Variants in CHD6 observed in about 807,000 individuals in gnomAD.
CHD6 encodes chromodomain helicase DNA binding protein 6, also known as ATP-dependent chromatin remodeler CHD6.
In CHD6, 50 loss-of-function variants were observed where a neutral mutation model predicts 276.9. The ratio of observed to expected loss-of-function variants is 0.18; its 90% CI spans 0.14 to 0.23. CHD6 has a LOEUF of 0.23. CHD6 is among the 10% of genes least tolerant of loss of function. The pLI is 1.00. For missense variants in CHD6, 2,564 were observed against 3,365.8 expected, an observed-to-expected ratio of 0.76 and a Z score of 5.89; for synonymous variants, 1,173 against 1,229.3, an observed-to-expected ratio of 0.95 and a Z score of 0.96.
chr20:41,513,040 A>G, intron 4 of CHD6, 45 bp from the exon 5 acceptor site: 1 of 1,606,952 alleles, frequency 6.2e-7, no homozygotes, highest in Non-Finnish European at 8.5e-7. Context: ...TGAGTGAAAG[A>G]CAACAGCCTA....
intron 26 of CHD6, among the ~76,000 whole-genome samples, chr20:41,439,358 G>GAA (rs370407287): frequency 4.3e-5 from 6 of 139,408 alleles, no homozygotes; most frequent in African/African-American, 1.6e-4. Flanking sequence ...TCTATCTCGG[G>GAA]AAAAAAAAAA....
intron 30 of CHD6, 68 bp from the exon 31 acceptor site, chr20:41,422,147 C>T: frequency 6.7e-7 from 1 of 1,496,794 alleles, no homozygotes; most frequent in Middle Eastern, 1.9e-4. Flanking sequence ...CACCTGAGCC[C>T]CTGCATCTTT....
At chr20:41,474,506 G>C (rs2043128583) in intron 16 of CHD6, among the ~76,000 whole-genome samples, 1 of 152,054 alleles carries the variant, frequency 6.6e-6, no homozygotes, top group South Asian at 2.1e-4. Context: ...GCCCAATTTT[G>C]ACCCACAAAC....
chr20:41,517,818 G>A (rs1205322121), intron 3 of CHD6, among the ~76,000 whole-genome samples: 1 of 152,202 alleles, frequency 6.6e-6, no homozygotes, highest in African/African-American at 2.4e-5. Context: ...GTCAGCAGCA[G>A]GGCAGAGGCT....
At chr20:41,447,783 C>A in intron 24 of CHD6, 99 bp downstream of exon 24, 1 of 757,002 alleles carries the variant, frequency 1.3e-6, no homozygotes, top group Non-Finnish European at 2.2e-6. Context: ...GTAGGAGGAA[C>A]ATGGGCCTCT....
intron 5 of CHD6, among the ~76,000 whole-genome samples, chr20:41,511,310 C>G (rs1339124659): frequency 6.6e-6 from 1 of 152,236 alleles, no homozygotes; most frequent in African/African-American, 2.4e-5. Context: ...TAACAACAGA[C>G]AGCCGTGTCC....
intron 1 of CHD6, among the ~76,000 whole-genome samples, chr20:41,593,090 A>C (rs888404436): frequency 3.9e-5 from 6 of 152,004 alleles, no homozygotes; most frequent in Non-Finnish European, 8.8e-5. Context: ...CTTCTACAGA[A>C]AACAATTTCT....
At chr20:41,419,642 C>T (rs1213408643) in intron 31 of CHD6, among the ~76,000 whole-genome samples, 3 of 126,370 alleles carry the variant, frequency 2.4e-5, no homozygotes, top group Non-Finnish European at 4.8e-5. Flanking sequence ...CCCTCTTTAA[C>T]ATAAAATCAG....
chr20:41,452,956 G>T lies in CHD6; in HGVS notation c.3121-14C>A. 1.2e-6 allele frequency: 2 copies of T among 1,605,438 alleles called. No individual in the cohort carries two copies. Among genetic ancestry groups the T allele is most frequent in the Non-Finnish European group, 1.7e-6 (2 of 1,172,452 alleles). On this transcript the variant is annotated splice_polypyrimidine_tract_variant and intron_variant, in intron 20 of 36. Coordinates refer to ENST00000373233, the MANE Select transcript of CHD6 (RefSeq NM_032221.5). This position sits in a 1 kb window ranked among gnomAD's most constrained non-coding sequence, Gnocchi z 4.2. Reference sequence around the variant, plus strand: ...CACTAAGCTTTCCTAGAAATGGAGAGGACTACTGGGAAGAAAGTCCTCTTT... The same window carrying T: ...CACTAAGCTTTCCTAGAAATGGAGATGACTACTGGGAAGAAAGTCCTCTTT...
chr20:41,452,120 T>C lies in CHD6; in HGVS notation c.3324-95A>G. ...GAGGAGAAACAAGAGCCATACATGCTTTTTGTTCTCTGTAGGTCTGTTAAT... is the reference window on the plus strand; with the variant it reads ...GAGGAGAAACAAGAGCCATACATGCCTTTTGTTCTCTGTAGGTCTGTTAAT... On this transcript the variant is annotated intron_variant, in intron 21 of 36. Transcript: ENST00000373233. This position sits in a 1 kb window ranked among gnomAD's most constrained non-coding sequence, Gnocchi z 4.2. The C allele has an allele frequency of 1.0e-6, 1 of 963,282 alleles. No individual in the cohort carries two copies. Among genetic ancestry groups the C allele is most frequent in the Non-Finnish European group, 1.6e-6 (1 of 614,202 alleles). The allele number at this position is 963,282 out of a possible 1,614,324, so 59.7% of individuals were successfully genotyped here.
intron 3 of CHD6, among the ~76,000 whole-genome samples, chr20:41,526,970 A>T (rs2146036879): frequency 6.6e-6 from 1 of 152,332 alleles, no homozygotes; most frequent in Middle Eastern, 3.4e-3. Flanking sequence ...GGCACAGCAA[A>T]GTCTGAGGAC....
chr20:41,467,561 GAAAAAAAAAA>G (rs11472253), intron 17 of CHD6, among the ~76,000 whole-genome samples: 2 of 39,144 alleles, frequency 5.1e-5, no homozygotes, highest in Non-Finnish European at 9.4e-5. Context: ...TTCTGACAAT[GAAAAAAAAAA>G]AAAAAAAAAA....
rs113203477 is a variant in CHD6 at position 41,453,491 on chromosome 20, C to T, written c.3121-549G>A. ...GGAGCCTCGGTCATTCTGATGGTTCCCCTGGCTATGTGTCTTCTCTAGTCT... is the reference window on the plus strand; with the variant it reads ...GGAGCCTCGGTCATTCTGATGGTTCTCCTGGCTATGTGTCTTCTCTAGTCT... On this transcript the variant is annotated intron_variant, in intron 20 of 36. Transcript: ENST00000373233. 9.2e-5 allele frequency among the ~76,000 whole-genome samples: 14 copies of T among 152,282 alleles called. 3 individuals are homozygous for T. The highest frequency in any genetic ancestry group is 3.4e-4 in the African/African-American group (14 of 41,572).
Position 41,484,661 on chromosome 20 carries a change from C to T in CHD6, c.2002-54G>A, listed in dbSNP as rs538500490. 1.3e-4 allele frequency: 200 copies of T among 1,579,458 alleles called. 5 individuals carry two copies. In the South Asian group the frequency reaches 2.1e-3, roughly 17 times the overall value. The stretch of plus-strand genomic sequence containing the variant: ...TGCCTCAATCCCAAGTTAACGATTA[C>T]TGGGGTATTCCAACCTTCACTCTAA... On this transcript the variant is annotated intron_variant, in intron 14 of 36. Transcript: ENST00000373233.
At chr20:41,602,497 G>A (rs2045783921) in intron 1 of CHD6, among the ~76,000 whole-genome samples, 1 of 152,170 alleles carries the variant, frequency 6.6e-6, no homozygotes, top group South Asian at 2.1e-4. Flanking sequence ...ACGAAACACA[G>A]TCCAGTGACT....
At chr20:41,487,136 T>C (rs1028581360) in intron 14 of CHD6, among the ~76,000 whole-genome samples, 7 of 152,148 alleles carry the variant, frequency 4.6e-5, no homozygotes, top group African/African-American at 1.7e-4. Context: ...TCCAACAAGG[T>C]AGACTTGGAA....
chr20:41,599,708 C>G (rs971704959), intron 1 of CHD6, among the ~76,000 whole-genome samples: 3 of 152,216 alleles, frequency 2.0e-5, no homozygotes, highest in Non-Finnish European at 4.4e-5. Context: ...TTCAAAGCTT[C>G]CTTCGTCTTT....
intron 2 of CHD6, among the ~76,000 whole-genome samples, chr20:41,535,696 C>CA (rs546754780): frequency 0.018 from 2,604 of 146,838 alleles, 34 homozygotes; most frequent in Non-Finnish European, 0.024. Flanking sequence ...CTGTCTCTAC[C>CA]AAAAAAAAAA....
intron 1 of CHD6, among the ~76,000 whole-genome samples, chr20:41,602,675 T>C (rs1466874447): frequency 6.6e-6 from 1 of 152,132 alleles, no homozygotes; most frequent in Non-Finnish European, 1.5e-5. Flanking sequence ...AAACCCAGAA[T>C]TTTAAAAGGA....
Sources: allele counts gnomAD v4.1 joint callset (sites outside exome capture counted in the v4.1 genomes callset), GRCh38; gene constraint gnomAD v4.1.1; non-coding constraint Gnocchi (gnomAD v3.1); transcripts MANE v1.5; gene names NCBI Gene and HGNC (gene_info 2026-07-23, HGNC 2026-07-21).